The following DGCR2 variants were observed in gnomAD, a reference collection of about 807,000 sequenced individuals.
DGCR2 encodes DiGeorge syndrome critical region gene 2.
In DGCR2, 24 loss-of-function variants were observed where a neutral mutation model predicts 51.6. That is an observed-to-expected ratio of 0.47 (90% CI 0.34 to 0.65). The LOEUF is 0.65. Among genes scored for constraint, DGCR2 ranks in the 30% least tolerant of loss-of-function variants. The pLI is 0.01. For synonymous variants in DGCR2, 340 were observed against 315.4 expected (o/e 1.08, Z -0.82); for missense variants, 765 against 772.1 (o/e 0.99, Z 0.11).
At chr22:19,080,773 T>C (rs1298992298) in intron 2 of DGCR2, among the ~76,000 whole-genome samples, 1 of 152,116 alleles carries the variant, frequency 6.6e-6, no homozygotes, top group Non-Finnish European at 1.5e-5. Flanking sequence ...GGGTTTGAGG[T>C]TGCATTCAGC....
chr22:19,048,298 T>C (rs2082511913), intron 7 of DGCR2, 142 bp downstream of exon 7: 3 of 847,758 alleles, frequency 3.5e-6, no homozygotes, highest in Admixed American at 4.3e-5. Context: ...CTCTGAGACA[T>C]CTCTGTGACA....
intron 4 of DGCR2, 70 bp downstream of exon 4, chr22:19,064,778 T>C: frequency 6.9e-7 from 1 of 1,454,790 alleles, no homozygotes; most frequent in Non-Finnish European, 9.5e-7. Context: ...TACTGAGTGG[T>C]CAGAGGCCAT....
chr22:19,122,120 C>T lies in DGCR2; in HGVS notation c.79+8G>A. On this transcript the variant is annotated splice_region_variant and intron_variant, in intron 1 of 9. Transcript: ENST00000263196. ...CAGCCCCCACACCGCCCCCATCGCGCGGCGCACCTGGCCGCAGCGGCTCGG... is the reference window on the plus strand; with the variant it reads ...CAGCCCCCACACCGCCCCCATCGCGTGGCGCACCTGGCCGCAGCGGCTCGG... The T allele has an allele frequency of 2.0e-6, 3 of 1,487,512 alleles. No individual in the cohort carries two copies. Among genetic ancestry groups the T allele is most frequent in the South Asian group, 1.3e-5 (1 of 78,142 alleles). 92.1% of individuals were successfully genotyped at this position (1,487,512 alleles called of 1,614,324 possible).
intron 7 of DGCR2, chr22:19,045,284 G>A (rs1267444006): frequency 6.6e-6 from 1 of 152,224 alleles, no homozygotes; most frequent in Non-Finnish European, 1.5e-5. Flanking sequence ...GAGTCATCTC[G>A]ATTGATTGTT....
chr22:19,110,156 AT>A (rs1433535077), intron 1 of DGCR2, among the ~76,000 whole-genome samples: 1 of 152,250 alleles, frequency 6.6e-6, no homozygotes, highest in African/African-American at 2.4e-5. Context: ...TGAACACAAG[AT>A]TTAACACACG....
chr22:19,099,285 C>A (rs2083174549), intron 1 of DGCR2, among the ~76,000 whole-genome samples: 1 of 152,184 alleles, frequency 6.6e-6, no homozygotes, highest in Admixed American at 6.5e-5. Flanking sequence ...GACATCAACA[C>A]TGCGTTTCCA....
At chr22:19,085,567 G>A (rs942695947) in intron 2 of DGCR2, among the ~76,000 whole-genome samples, 7 of 152,180 alleles carry the variant, frequency 4.6e-5, no homozygotes, top group African/African-American at 1.4e-4. Context: ...GAGTGCTACT[G>A]CTCCAGCATT....
intron 5 of DGCR2, among the ~76,000 whole-genome samples, chr22:19,058,387 A>C (rs2098442741): frequency 6.6e-6 from 1 of 152,088 alleles, no homozygotes; most frequent in Non-Finnish European, 1.5e-5. Flanking sequence ...AAAGGGGCCC[A>C]CTGTCTGGAG....
At chr22:19,043,950 C>A (rs1427627086) in intron 7 of DGCR2, among the ~76,000 whole-genome samples, 1 of 152,214 alleles carries the variant, frequency 6.6e-6, no homozygotes, top group Admixed American at 6.5e-5. Flanking sequence ...CCTGATGCCT[C>A]TGACCCTCCT....
In DGCR2 at chr22:19,057,063, G is replaced by A. The variant is rs1187059845; in HGVS notation, c.725C>T (p.Pro242Leu). 5 of 1,601,378 alleles carry A rather than the reference G, an allele frequency of 3.1e-6. No homozygotes were observed. Among genetic ancestry groups the A allele is most frequent in the South Asian group, 2.3e-5 (2 of 88,566 alleles). The change falls in exon 6 of 10, where the codon CCC becomes CTC. Residue 242 changes from proline to leucine, a missense_variant. Physicochemically the swap from Pro to Leu is moderately conservative, Grantham distance 98 (BLOSUM62 -3). Coordinates refer to ENST00000263196, the MANE Select transcript of DGCR2 (RefSeq NM_005137.3). The surrounding 1 kb of genome is among the most constrained non-coding windows in gnomAD (Gnocchi z 5.1). ...GTGGAGGTCGTGGTGCCGCAGGGTGGGGAAATGGAAGCACTGAAGCTGGGC... is the reference window on the plus strand; with the variant it reads ...GTGGAGGTCGTGGTGCCGCAGGGTGAGGAAATGGAAGCACTGAAGCTGGGC... ...FCAQLQCFHF[P>L]TLRHHDLHSW...
At chr22:19,048,378 G>A in intron 7 of DGCR2, 62 bp downstream of exon 7, 1 of 1,584,088 alleles carries the variant, frequency 6.3e-7, no homozygotes, top group Non-Finnish European at 8.7e-7. Context: ...GAAGCAAAGG[G>A]ACGCCCAGCC....
chr22:19,085,212 T>G (rs544816634), intron 2 of DGCR2, among the ~76,000 whole-genome samples: 1 of 151,980 alleles, frequency 6.6e-6, no homozygotes, highest in Non-Finnish European at 1.5e-5. Flanking sequence ...TCAAAACAAC[T>G]GGCAAGGCTA....
intron 2 of DGCR2, among the ~76,000 whole-genome samples, chr22:19,081,998 A>G (rs367955363): frequency 1.3e-5 from 2 of 151,734 alleles, no homozygotes; most frequent in African/African-American, 4.8e-5. Flanking sequence ...AAGTGTTGCA[A>G]ATATCTTCTC....
chr22:19,057,289 G>A lies in DGCR2; in HGVS notation c.626-127C>T. On this transcript the variant is annotated intron_variant, in intron 5 of 9. Transcript: ENST00000263196. The surrounding 1 kb of genome is among the most constrained non-coding windows in gnomAD (Gnocchi z 5.1). ...GGGCCTGGACCGCCAAGTACTGGTG[G>A]TCACTGTGGCCAGGTGTTCACTCGG... is the stretch of plus-strand genomic sequence containing the variant. 1.9e-6 allele frequency: 2 copies of A among 1,080,754 alleles called. No individual in the cohort carries two copies. Among genetic ancestry groups the A allele is most frequent in the Non-Finnish European group, 2.6e-6 (2 of 774,242 alleles). 66.9% of individuals were successfully genotyped at this position (1,080,754 alleles called of 1,614,324 possible). A position where few individuals can be genotyped will look rare whatever the true frequency, so the allele number is the denominator to read the frequency against.
intron 6 of DGCR2, among the ~76,000 whole-genome samples, chr22:19,051,178 A>T (rs1430958089): frequency 7.4e-6 from 1 of 134,902 alleles, no homozygotes; most frequent in Admixed American, 8.0e-5. Context: ...AACAGAGTGA[A>T]ATTCTGTCAC....
At chr22:19,101,552 C>A (rs1474630990) in intron 1 of DGCR2, among the ~76,000 whole-genome samples, 2 of 151,554 alleles carry the variant, frequency 1.3e-5, no homozygotes, top group African/African-American at 4.9e-5. Context: ...ACCACCCTGG[C>A]CAACACGGTG....
chr22:19,101,494 A>G (rs1197575691), intron 1 of DGCR2, among the ~76,000 whole-genome samples: 1 of 150,950 alleles, frequency 6.6e-6, no homozygotes, highest in Admixed American at 6.6e-5. Context: ...TAATCCCAGC[A>G]CTTTGGGAGG....
At chr22:19,062,789 T>TCTCTCTCTCTCTCTCTC (rs2082691527) in intron 5 of DGCR2, among the ~76,000 whole-genome samples, 1 of 145,758 alleles carries the variant, frequency 6.9e-6, no homozygotes, top group Non-Finnish European at 1.6e-5. Context: ...ACTCTCTCTC[T>TCTCTCTCTCTCTCTCTC]CTCTCTCTCT....
At chr22:19,080,554 C>T (rs1032702122) in intron 2 of DGCR2, among the ~76,000 whole-genome samples, 3 of 152,188 alleles carry the variant, frequency 2.0e-5, no homozygotes, top group Non-Finnish European at 4.4e-5. Flanking sequence ...AAAATCAACT[C>T]CTGCGGGGCA....
Sources: allele counts gnomAD v4.1 joint callset (sites outside exome capture counted in the v4.1 genomes callset), GRCh38; gene constraint gnomAD v4.1.1; non-coding constraint Gnocchi (gnomAD v3.1); transcripts MANE v1.5; gene names NCBI Gene and HGNC (gene_info 2026-07-23, HGNC 2026-07-21).